ZNF439: variants seen among roughly 807,000 people sequenced by gnomAD.
The protein encoded by ZNF439 is zinc finger protein 439.
Under a neutral mutation model 47.3 loss-of-function variants are expected in ZNF439, and 40 were observed. The ratio of observed to expected loss-of-function variants is 0.85; its 90% CI spans 0.66 to 1.10. ZNF439 has a LOEUF of 1.10. Among genes scored for constraint, ZNF439 ranks in the 50% least tolerant of loss-of-function variants. The pLI is 0.00. For synonymous variants in ZNF439, 171 were observed against 198.8 expected (o/e 0.86, Z 1.18); for missense variants, 556 against 601.1 (o/e 0.93, Z 0.78).
chr19:11,867,529 G>C lies in ZNF439; in HGVS notation c.475G>C (p.Gly159Arg), dbSNP rs1340814548. 3.1e-6 allele frequency: 5 copies of C among 1,614,104 alleles called. No homozygotes were observed. The highest frequency in any genetic ancestry group is 4.2e-6 in the Non-Finnish European group (5 of 1,180,016). Reference sequence around the variant, plus strand: ...CAAGGCATGTGAATGTCAGGAATATGGACCAAAGCCATGGAAGAGTCAACA... The same window carrying C: ...CAAGGCATGTGAATGTCAGGAATATCGACCAAAGCCATGGAAGAGTCAACA... ...GHKACECQEY[G>R]PKPWKSQQPK... Residue 159 changes from glycine to arginine, a missense_variant, in exon 4 of 4, where the codon GGA (glycine) becomes CGA (arginine). By Grantham distance (125) the Gly-to-Arg change is moderately radical. Transcript: ENST00000682736.
intron 1 of ZNF439, among the ~76,000 whole-genome samples, chr19:11,860,074 A>AACCATGGGTT (rs772554875): frequency 9.9e-5 from 15 of 152,170 alleles, no homozygotes; most frequent in Non-Finnish European, 1.9e-4. Flanking sequence ...TGTCTGCAGA[A>AACCATGGGTT]ACCATGGGTT....
rs1008865206 is a variant in ZNF439 at position 11,869,200 on chromosome 19, T to G, written c.*631T>G. ...TCACTTCTTCCAGTTCTTTTCAATA[T>G]CATGAAAGGACTCACACTGGGGAGA... On this transcript the variant is annotated 3_prime_UTR_variant, in exon 4 of 4. Transcript: ENST00000682736. 9.1e-6 allele frequency: 2 copies of G among 220,752 alleles called. No homozygotes were observed. The highest frequency in any genetic ancestry group is 2.0e-5 in the Non-Finnish European group (2 of 101,692). The allele number at this position is 220,752 out of a possible 1,614,324, so 13.7% of individuals were successfully genotyped here.
rs180970915 is a variant in ZNF439, at chr19:11,863,939, G to A, written c.64-2266G>A. The stretch of plus-strand genomic sequence containing the variant: ...GGGTCTCACTATGTTGCCCAGGCTG[G>A]TCTCGAACTGCGGGGCTCAAATGAT... On this transcript the variant is annotated intron_variant, in intron 1 of 3. Coordinates refer to ENST00000682736, the MANE Select transcript of ZNF439 (RefSeq NM_001348719.2). Among the ~76,000 whole-genome samples the A allele has an allele frequency of 1.9e-4, 29 of 152,212 alleles. No individual in the cohort carries two copies. In the East Asian group the frequency reaches 5.0e-3, roughly 26 times the overall value.
chr19:11,849,185 C>T (rs1035666452), intron 1 of ZNF439: 3 of 1,075,168 alleles, frequency 2.8e-6, no homozygotes, highest in Admixed American at 5.1e-5. Context: ...GCCCGACGCC[C>T]CAGCTTGTGC....
chr19:11,848,831 C>T lies in ZNF439; in HGVS notation c.-37C>T, dbSNP rs1053052769. On this transcript the variant is annotated 5_prime_UTR_variant, in exon 1 of 4. Coordinates refer to ENST00000682736, the MANE Select transcript of ZNF439 (RefSeq NM_001348719.2). ...TTCCAGCCCCGAGAGGGACCTAGTG[C>T]CTCTACCCAGATTTCTGTCGCTCTG... is the stretch of plus-strand genomic sequence containing the variant. 3.9e-5 allele frequency: 59 copies of T among 1,523,938 alleles called. 1 individual carries two copies. In the Admixed American group the frequency reaches 6.8e-4, roughly 17 times the overall value. The allele number at this position is 1,523,938 out of a possible 1,614,324, so 94.4% of individuals were successfully genotyped here.
chr19:11,849,827 G>T (rs1156739432), intron 1 of ZNF439: 1 of 152,132 alleles, frequency 6.6e-6, no homozygotes, highest in Non-Finnish European at 1.5e-5. Flanking sequence ...TTTGCCTTGC[G>T]TGGCCTTAGG....
chr19:11,868,721 A>C lies in ZNF439; in HGVS notation c.*152A>C, dbSNP rs368824700. 3 of 864,502 alleles carry C rather than the reference A, an allele frequency of 3.5e-6. No individual in the cohort carries two copies. Among genetic ancestry groups the C allele is most frequent in the African/African-American group, 3.4e-5 (2 of 58,882 alleles). The allele number at this position is 864,502 out of a possible 1,614,324, so 53.6% of individuals were successfully genotyped here. On this transcript the variant is annotated 3_prime_UTR_variant, in exon 4 of 4. Transcript: ENST00000682736. Reference sequence around the variant, plus strand: ...CGATATCTAAAAGGACTCACAGTGGAGAAAAACTCTATGAGTGTAAGCAAT... The same window carrying C: ...CGATATCTAAAAGGACTCACAGTGGCGAAAAACTCTATGAGTGTAAGCAAT...
intron 1 of ZNF439, among the ~76,000 whole-genome samples, chr19:11,863,715 G>A (rs985783107): frequency 6.6e-6 from 1 of 152,172 alleles, no homozygotes; most frequent in Non-Finnish European, 1.5e-5. Flanking sequence ...ATCCAAGGTT[G>A]TCTTGGTTTT....
chr19:11,857,992 C>G (rs1976431947), intron 1 of ZNF439: 1 of 152,158 alleles, frequency 6.6e-6, no homozygotes, highest in Admixed American at 6.5e-5. Context: ...CAGTAGGAAA[C>G]ATATTCAGAG....
chr19:11,864,920 A>G (rs889064838), intron 1 of ZNF439, among the ~76,000 whole-genome samples: 1 of 151,884 alleles, frequency 6.6e-6, no homozygotes, highest in Non-Finnish European at 1.5e-5. Flanking sequence ...AGCTGGGATT[A>G]CAGGCATGCG....
At chr19:11,852,847 T>A (rs192536903) in intron 1 of ZNF439, among the ~76,000 whole-genome samples, 1 of 152,106 alleles carries the variant, frequency 6.6e-6, no homozygotes, top group East Asian at 1.9e-4. Flanking sequence ...AGGTAGAAAA[T>A]TTCTAGTTAT....
chr19:11,866,736 T>C, intron 3 of ZNF439, 139 bp downstream of exon 3: 3 of 924,026 alleles, frequency 3.2e-6, no homozygotes, highest in Non-Finnish European at 4.7e-6. Flanking sequence ...TAAAAATATA[T>C]ATTTAAATGT....
In ZNF439 at chr19:11,866,395, C is replaced by T. The variant is rs990717120; in HGVS notation, c.190+64C>T. The stretch of plus-strand genomic sequence containing the variant: ...TACCAATGTTTCTAGCTCACCAATG[C>T]TGTTGAGTGATTTGGAACACAGACA... On this transcript the variant is annotated intron_variant, in intron 2 of 3. Coordinates refer to ENST00000682736, the MANE Select transcript of ZNF439 (RefSeq NM_001348719.2). 1.9e-6 allele frequency: 3 copies of T among 1,608,858 alleles called. No individual in the cohort carries two copies. The African/African-American group carries it at 4.0e-5, about 22-fold the overall frequency.
chr19:11,853,844 A>G (rs536329099), intron 1 of ZNF439, among the ~76,000 whole-genome samples: 1 of 152,298 alleles, frequency 6.6e-6, no homozygotes, highest in South Asian at 2.1e-4. Context: ...CATCATTCCA[A>G]TAACTATATA....
intron 1 of ZNF439, chr19:11,865,942 A>C (rs1976666986): frequency 2.9e-6 from 3 of 1,042,432 alleles, no homozygotes; most frequent in Non-Finnish European, 3.7e-6. Context: ...CAGAAGAAGC[A>C]CTTGAACCCC....
intron 1 of ZNF439, among the ~76,000 whole-genome samples, chr19:11,864,047 G>A (rs759246227): frequency 6.6e-6 from 1 of 152,048 alleles, no homozygotes; most frequent in African/African-American, 2.4e-5. Flanking sequence ...CCTCTCTTGC[G>A]ATCATATGGA....
rs768098599 is a variant in ZNF439 at position 11,867,990 on chromosome 19, C to T, written c.936C>T (p.Phe312=). 1.2e-6 allele frequency: 2 copies of T among 1,614,088 alleles called. No individual in the cohort carries two copies. Among genetic ancestry groups the T allele is most frequent in the Non-Finnish European group, 1.7e-6 (2 of 1,179,996 alleles). Residue 312 remains phenylalanine, a synonymous_variant, in exon 4 of 4, where the codon TTC becomes TTT. Transcript: ENST00000682736. The part of the protein sequence containing the change: ...AYQCKECGKA[F]MCPRYVRRHE... The stretch of plus-strand genomic sequence containing the variant: ...AATGTAAGGAATGTGGAAAAGCATT[C>T]ATGTGTCCCCGTTATGTTCGTAGAC...
rs552428342 is a variant in ZNF439 at position 11,856,958 on chromosome 19, G to A, written c.63+8028G>A. Reference sequence around the variant, plus strand: ...CTTTTAATTGTAGCAGTTTCTATGCGACTGGCTACATTTACGACATAGGCT... The same window carrying A: ...CTTTTAATTGTAGCAGTTTCTATGCAACTGGCTACATTTACGACATAGGCT... On this transcript the variant is annotated intron_variant, in intron 1 of 3. Transcript: ENST00000682736. 5.3e-5 allele frequency: 8 copies of A among 152,298 alleles called. No individual in the cohort carries two copies. In the South Asian group the frequency reaches 1.5e-3, roughly 28 times the overall value. The allele number at this position is 152,298 out of a possible 1,614,324, so 9.4% of individuals were successfully genotyped here.
Position 11,865,952 on chromosome 19 carries a change from C to T in ZNF439, c.64-253C>T, listed in dbSNP as rs544708998. On this transcript the variant is annotated intron_variant, in intron 1 of 3. Coordinates refer to ENST00000682736, the MANE Select transcript of ZNF439 (RefSeq NM_001348719.2). Reference sequence around the variant, plus strand: ...TGAGGCAGAAGAAGCACTTGAACCCCGGCAGTGAGCCGAGATTGCACCATT... The same window carrying T: ...TGAGGCAGAAGAAGCACTTGAACCCTGGCAGTGAGCCGAGATTGCACCATT... The T allele has an allele frequency of 1.9e-4, 215 of 1,154,434 alleles. 1 individual carries two copies. In the Middle Eastern group the frequency reaches 2.6e-3, roughly 14 times the overall value. 71.5% of individuals were successfully genotyped at this position (1,154,434 alleles called of 1,614,324 possible).
Sources: gnomAD v4.1 joint callset for allele counts (sites outside exome capture counted in the v4.1 genomes callset) on GRCh38, gnomAD v4.1.1 for gene constraint, MANE v1.5 for transcripts, NCBI Gene and HGNC (gene_info 2026-07-23, HGNC 2026-07-21) for gene names.